The following CNTN6 variants were observed in gnomAD, a reference collection of about 807,000 sequenced individuals.
CNTN6 encodes contactin-6.
In CNTN6, 137 loss-of-function variants were observed where a neutral mutation model predicts 122.8. That is an observed-to-expected ratio of 1.12 (90% CI 0.97 to 1.29). CNTN6 has a LOEUF of 1.29. CNTN6 is among the 50% of genes most tolerant of loss of function. The pLI is 0.00. For synonymous variants in CNTN6, 570 were observed against 426.0 expected (o/e 1.34, Z -4.16); for missense variants, 1,634 against 1,223.4 (o/e 1.34, Z -5.01).
intron 1 of CNTN6, among the ~76,000 whole-genome samples, chr3:1,107,141 A>G (rs1354012093): frequency 6.6e-6 from 1 of 152,120 alleles, no homozygotes; most frequent in Non-Finnish European, 1.5e-5. Flanking sequence ...CGTCCAAAAT[A>G]TTATTTAATA....
chr3:1,402,511 G>A (rs769542436), intron 22 of CNTN6, 25 bp downstream of exon 22: 5 of 1,583,166 alleles, frequency 3.2e-6, no homozygotes, highest in Admixed American at 1.7e-5. Flanking sequence ...CATTGCTGTA[G>A]TAGATTCTGA....
At chr3:1,322,636 ATG>A (rs1382894662) in intron 8 of CNTN6, among the ~76,000 whole-genome samples, 1 of 150,476 alleles carries the variant, frequency 6.6e-6, no homozygotes, top group Admixed American at 6.7e-5. Context: ...ATATGTGTGT[ATG>A]TGTGTGTGTA....
chr3:1,158,969 C>CATATATATATATATATATATATAT (rs147254743), intron 2 of CNTN6, among the ~76,000 whole-genome samples: 29 of 112,924 alleles, frequency 2.6e-4, no homozygotes, highest in Non-Finnish European at 3.6e-4. Flanking sequence ...CACACACACA[C>CATATATATATATATATATATATAT]ATATATATAT....
At chr3:1,328,808 G>C (rs982064457) in intron 10 of CNTN6, among the ~76,000 whole-genome samples, 2 of 151,704 alleles carry the variant, frequency 1.3e-5, no homozygotes, top group African/African-American at 4.8e-5. Context: ...TAGAAATGGA[G>C]ACTGGACACA....
At position 1,259,479 on chromosome 3, in the gene CNTN6, G is replaced by A. The variant is rs141773034; in HGVS notation, c.359-18934G>A. 7.6e-3 allele frequency among the ~76,000 whole-genome samples: 1,160 copies of A among 152,036 alleles called. 5 individuals are homozygous for A. The highest frequency in any genetic ancestry group is 9.5e-3 in the Non-Finnish European group (645 of 67,974). ...ATATGTTTCAGCTTACTATTCACAGGACACTAGATTACTATTATTATTTAA... is the reference window on the plus strand; with the variant it reads ...ATATGTTTCAGCTTACTATTCACAGAACACTAGATTACTATTATTATTTAA... On this transcript the variant is annotated intron_variant, in intron 4 of 22. Transcript: ENST00000446702.
intron 7 of CNTN6, among the ~76,000 whole-genome samples, chr3:1,312,743 A>G (rs537204082): frequency 9.9e-5 from 15 of 151,744 alleles, no homozygotes; most frequent in Admixed American, 2.6e-4. Flanking sequence ...TGGTTAATTC[A>G]TGCAGGGGGA....
At chr3:1,306,468 G>A (rs142248483) in intron 7 of CNTN6, among the ~76,000 whole-genome samples, 16 of 152,152 alleles carry the variant, frequency 1.1e-4, no homozygotes, top group East Asian at 1.9e-4. Flanking sequence ...ATAAACAAGC[G>A]CTCAACCTAG....
At chr3:1,315,549 C>T (rs1699978548) in intron 7 of CNTN6, among the ~76,000 whole-genome samples, 1 of 151,982 alleles carries the variant, frequency 6.6e-6, no homozygotes, top group South Asian at 2.1e-4. Context: ...GCTCAGATGG[C>T]ATATGGAAGC....
rs188803834 is a variant in CNTN6 at position 1,235,907 on chromosome 3, C to T, written c.358+7914C>T. 4.0e-5 allele frequency among the ~76,000 whole-genome samples: 6 copies of T among 151,686 alleles called. No homozygotes were observed. In the East Asian group the frequency reaches 5.9e-4, roughly 15 times the overall value. ...GAGTGAGACTGGCCTTTAGGACTCA[C>T]GCTGTGTGGGGGTGGGGTGAGGCCT... On this transcript the variant is annotated intron_variant, in intron 4 of 22. Coordinates refer to ENST00000446702, the MANE Select transcript of CNTN6 (RefSeq NM_001289080.2).
At chr3:1,235,866 G>A (rs938629583) in intron 4 of CNTN6, among the ~76,000 whole-genome samples, 7 of 152,226 alleles carry the variant, frequency 4.6e-5, no homozygotes, top group Non-Finnish European at 7.4e-5. Flanking sequence ...TGCTGGGGGC[G>A]GGTGGGGCAT....
intron 1 of CNTN6, among the ~76,000 whole-genome samples, chr3:1,145,902 T>C (rs1411846455): frequency 6.6e-6 from 1 of 152,194 alleles, no homozygotes; most frequent in African/African-American, 2.4e-5. Context: ...TTGCATAAAC[T>C]GGCATAATTG....
At chr3:1,268,480 G>A (rs896548469) in intron 4 of CNTN6, among the ~76,000 whole-genome samples, 17 of 151,500 alleles carry the variant, frequency 1.1e-4, no homozygotes, top group Admixed American at 5.3e-4. Context: ...GGTGGCAGGT[G>A]CCTGTAGTCC....
At chr3:1,397,502 A>G (rs1171910201) in intron 20 of CNTN6, among the ~76,000 whole-genome samples, 4 of 152,106 alleles carry the variant, frequency 2.6e-5, no homozygotes, top group African/African-American at 9.7e-5. Context: ...GCCTAGTGGA[A>G]ATGATGGATT....
intron 1 of CNTN6, among the ~76,000 whole-genome samples, chr3:1,122,852 T>G (rs2092014111): frequency 6.6e-6 from 1 of 151,920 alleles, no homozygotes; most frequent in Non-Finnish European, 1.5e-5. Context: ...GTTGAGCATT[T>G]GGGCTGTTTC....
At chr3:1,254,849 GA>G (rs1199782330) in intron 4 of CNTN6, among the ~76,000 whole-genome samples, 1 of 151,966 alleles carries the variant, frequency 6.6e-6, no homozygotes, top group Admixed American at 6.6e-5. Flanking sequence ...AACAAAGCAT[GA>G]AAAAAACCCA....
At chr3:1,299,000 A>T (rs1696754271) in intron 7 of CNTN6, among the ~76,000 whole-genome samples, 2 of 152,164 alleles carry the variant, frequency 1.3e-5, no homozygotes, top group Non-Finnish European at 2.9e-5. Flanking sequence ...AGTTAAACAT[A>T]CTCAGCAATC....
At chr3:1,251,309 T>C (rs2094664329) in intron 4 of CNTN6, among the ~76,000 whole-genome samples, 2 of 152,130 alleles carry the variant, frequency 1.3e-5, no homozygotes, top group South Asian at 4.1e-4. Context: ...AATTTGACTG[T>C]CTGACTCACT....
chr3:1,098,904 T>C lies in CNTN6; in HGVS notation c.-83+5784T>C, dbSNP rs895025312. Among the ~76,000 whole-genome samples the C allele has an allele frequency of 2.0e-5, 3 of 149,414 alleles. No homozygotes were observed. In the South Asian group the frequency reaches 6.3e-4, roughly 31 times the overall value. ...AGAATTACCAAATGCTAAATTTTAT[T>C]GGAGATTTAACATCTTCAGTATTCA... On this transcript the variant is annotated intron_variant, in intron 1 of 22. Coordinates refer to ENST00000446702, the MANE Select transcript of CNTN6 (RefSeq NM_001289080.2).
intron 20 of CNTN6, among the ~76,000 whole-genome samples, chr3:1,389,992 A>G (rs1693857322): frequency 6.6e-6 from 1 of 151,414 alleles, no homozygotes; most frequent in Non-Finnish European, 1.5e-5. Context: ...TCAACATTAG[A>G]CAGATCAATG....
Sources: gnomAD v4.1 joint callset for allele counts (sites outside exome capture counted in the v4.1 genomes callset) on GRCh38, gnomAD v4.1.1 for gene constraint, MANE v1.5 for transcripts, NCBI Gene and HGNC (gene_info 2026-07-23, HGNC 2026-07-21) for gene names.